ARMH1: variants seen among roughly 807,000 people sequenced by gnomAD.
The protein encoded by ARMH1 is armadillo-like helical domain containing protein 1.
A neutral mutation model predicts 50.2 loss-of-function variants in ARMH1; 34 were observed. The observed-to-expected ratio is 0.68, with a 90% CI of 0.51 to 0.90. The LOEUF is 0.90. ARMH1 is among the 40% of genes least tolerant of loss of function. The pLI is 0.00. For missense variants in ARMH1, 538 were observed against 553.9 expected (o/e 0.97, Z 0.29); for synonymous variants, 221 against 224.2 (o/e 0.99, Z 0.13).
intron 3 of ARMH1, among the ~76,000 whole-genome samples, chr1:44,697,620 A>G (rs896790902): frequency 6.6e-6 from 1 of 152,132 alleles, no homozygotes; most frequent in African/African-American, 2.4e-5. Flanking sequence ...AGCTCTAGAC[A>G]TACCAAAAAC....
intron 4 of ARMH1, among the ~76,000 whole-genome samples, chr1:44,699,200 C>T (rs536749811): frequency 1.2e-3 from 173 of 148,618 alleles, no homozygotes; most frequent in African/African-American, 4.1e-3. Context: ...GGGAGAATCG[C>T]TTGAACCCGG....
At chr1:44,701,497 T>C (rs1356590402) in intron 5 of ARMH1, among the ~76,000 whole-genome samples, 5 of 152,024 alleles carry the variant, frequency 3.3e-5, no homozygotes, top group African/African-American at 1.2e-4. Context: ...GAAGGCTTTT[T>C]TTTTTTTCTT....
chr1:44,703,395 C>T (rs757415409), intron 5 of ARMH1, among the ~76,000 whole-genome samples: 15 of 152,014 alleles, frequency 9.9e-5, no homozygotes, highest in East Asian at 1.9e-4. Flanking sequence ...TGGAAGTCTG[C>T]GTTTCCTTTC....
At chr1:44,719,425 C>G (rs1573483436) in intron 6 of ARMH1, among the ~76,000 whole-genome samples, 1 of 152,192 alleles carries the variant, frequency 6.6e-6, no homozygotes, top group Admixed American at 6.5e-5. Flanking sequence ...AAAACTCATT[C>G]TCTTCTTCCT....
Position 44,724,991 on chromosome 1 carries a change from C to T in ARMH1, c.1129-145C>T. 6.7e-7 allele frequency: 1 copy of T among 1,502,726 alleles called. No homozygotes were observed. The allele number at this position is 1,502,726 out of a possible 1,614,324, so 93.1% of individuals were successfully genotyped here. A position where few individuals can be genotyped will look rare whatever the true frequency, so the allele number is the denominator to read the frequency against. On this transcript the variant is annotated intron_variant, in intron 10 of 11. Coordinates refer to ENST00000535358, the MANE Select transcript of ARMH1 (RefSeq NM_001145636.2). The surrounding 1 kb of genome is among the most constrained non-coding windows in gnomAD (Gnocchi z 6.4). ...GGGACTGCTCTGGCGTAGGCTCCTC[C>T]ACCCGCCACCTTCCTGTTCCCTTTC...
At chr1:44,712,624 C>T (rs1262788876) in intron 6 of ARMH1, among the ~76,000 whole-genome samples, 1 of 150,054 alleles carries the variant, frequency 6.7e-6, no homozygotes, top group Non-Finnish European at 1.5e-5. Context: ...TAGCTTCATA[C>T]CCCTCACAGG....
chr1:44,694,207 T>C (rs1260311248), intron 2 of ARMH1, among the ~76,000 whole-genome samples: 1 of 152,214 alleles, frequency 6.6e-6, no homozygotes, highest in East Asian at 1.9e-4. Context: ...CATAATTCCC[T>C]AACTTTTTGC....
intron 6 of ARMH1, among the ~76,000 whole-genome samples, chr1:44,705,502 A>C (rs1573405697): frequency 6.6e-6 from 1 of 152,178 alleles, no homozygotes; most frequent in South Asian, 2.1e-4. Context: ...CAAAAAAAAA[A>C]CAACAAAACA....
intron 1 of ARMH1, chr1:44,684,495 G>T (rs1180539667): frequency 6.6e-6 from 1 of 152,264 alleles, no homozygotes; most frequent in Middle Eastern, 3.2e-3. Flanking sequence ...TTGGAAGGCA[G>T]AAGGCAGGTG....
intron 5 of ARMH1, among the ~76,000 whole-genome samples, chr1:44,703,581 T>A (rs1646193089): frequency 9.6e-6 from 1 of 104,248 alleles, no homozygotes; most frequent in Non-Finnish European, 2.1e-5. Flanking sequence ...AAAAAAAAAT[T>A]AGCTGGGCAT....
chr1:44,725,083 A>G (rs953121930), intron 10 of ARMH1, 53 bp from the exon 11 acceptor site: 1 of 1,549,990 alleles, frequency 6.5e-7, no homozygotes, highest in African/African-American at 1.4e-5. Context: ...GCCCAACTCC[A>G]AGTCCAGACT....
intron 2 of ARMH1, among the ~76,000 whole-genome samples, chr1:44,691,047 G>A (rs564763955): frequency 6.7e-6 from 1 of 149,998 alleles, no homozygotes; most frequent in African/African-American, 2.5e-5. Flanking sequence ...ATCACCTGAG[G>A]TCAGGAGTTT....
chr1:44,679,777 G>T (rs894969069), intron 1 of ARMH1, among the ~76,000 whole-genome samples: 3 of 152,258 alleles, frequency 2.0e-5, no homozygotes, highest in Non-Finnish European at 4.4e-5. Flanking sequence ...TGGACATTCA[G>T]ATATAATCAT....
At chr1:44,712,441 AGAGT>A (rs1490444778) in intron 6 of ARMH1, among the ~76,000 whole-genome samples, 1 of 151,462 alleles carries the variant, frequency 6.6e-6, no homozygotes, top group Non-Finnish European at 1.5e-5. Context: ...GTGGGCAACA[AGAGT>A]GAAACTCCAT....
At chr1:44,700,861 C>A (rs921720458) in intron 4 of ARMH1, 62 bp from the exon 5 acceptor site, 5 of 1,395,116 alleles carry the variant, frequency 3.6e-6, no homozygotes, top group Admixed American at 5.1e-5. Context: ...ATTATATAAT[C>A]TTGAGTGGGG....
intron 6 of ARMH1, among the ~76,000 whole-genome samples, chr1:44,721,341 CTAACTCT>C (rs1647109710): frequency 6.6e-6 from 1 of 152,076 alleles, no homozygotes. Flanking sequence ...TATCATCATC[CTAACTCT>C]TAAGTTTTTC....
intron 2 of ARMH1, among the ~76,000 whole-genome samples, chr1:44,692,006 G>C (rs1396837298): frequency 2.0e-5 from 3 of 152,202 alleles, no homozygotes; most frequent in Admixed American, 6.5e-5. Context: ...GGATATTCCT[G>C]CTCTGTGTGC....
chr1:44,714,078 C>G (rs1175876145), intron 6 of ARMH1, among the ~76,000 whole-genome samples: 2 of 151,894 alleles, frequency 1.3e-5, no homozygotes, highest in Non-Finnish European at 2.9e-5. Context: ...GACCATCTGG[C>G]TAACACGATG....
chr1:44,679,714 A>C (rs939179247), intron 1 of ARMH1, among the ~76,000 whole-genome samples: 1 of 152,152 alleles, frequency 6.6e-6, no homozygotes, highest in Non-Finnish European at 1.5e-5. Context: ...AGATTCTGCC[A>C]CTCCGCACAT....
Sources: gnomAD v4.1 joint callset for allele counts (sites outside exome capture counted in the v4.1 genomes callset) on GRCh38, gnomAD v4.1.1 for gene constraint, Gnocchi (gnomAD v3.1) non-coding constraint, MANE v1.5 for transcripts, NCBI Gene and HGNC (gene_info 2026-07-23, HGNC 2026-07-21) for gene names.